The following RABL2B variants were observed in gnomAD, a reference collection of about 807,000 sequenced individuals.
The protein encoded by RABL2B is rab-like protein 2B.
Under a neutral mutation model 26.7 loss-of-function variants are expected in RABL2B, and 17 were observed. That is an observed-to-expected ratio of 0.64 (90% confidence interval 0.44 to 0.95). The LOEUF (loss-of-function observed/expected upper bound fraction) is 0.95. RABL2B is among the 40% of genes least tolerant of loss of function. The pLI is 0.00. For missense variants in RABL2B, 170 were observed against 277.2 expected (o/e 0.61, Z 2.75); for synonymous variants, 70 against 103.9 (o/e 0.67, Z 1.99).
chr22:50,772,466 T>C, intron 5 of RABL2B: 3 of 987,200 alleles, frequency 3.0e-6, no homozygotes, highest in Non-Finnish European at 3.6e-6. Context: ...CCAAAGTGTC[T>C]AGCCCAAACT....
chr22:50,775,860 T>C lies in RABL2B; in HGVS notation c.218-9A>G, dbSNP rs782241730. ...TGCCGTGTCCCAAAAGTCTGCAATG[T>C]GAACACAGACAGACCTACATGCCTG... On this transcript the variant is annotated splice_polypyrimidine_tract_variant and intron_variant, in intron 4 of 8. Coordinates refer to ENST00000691320, the MANE Select transcript of RABL2B (RefSeq NM_001130919.3). The C allele has an allele frequency of 5.0e-6, 8 of 1,614,214 alleles. No homozygotes were observed. The South Asian group carries it at 7.7e-5, about 16-fold the overall frequency.
intron 3 of RABL2B, 38 bp downstream of exon 3, chr22:50,777,902 GCGTGGGAAGACC>G (rs1462407361): frequency 6.2e-7 from 1 of 1,613,240 alleles, no homozygotes; most frequent in African/African-American, 1.3e-5. Flanking sequence ...TGATACATGA[GCGTGGGAAGACC>G]CACAGGAACA....
chr22:50,772,227 A>T (rs1603449496), intron 5 of RABL2B: 2 of 546,240 alleles, frequency 3.7e-6, no homozygotes, highest in African/African-American at 4.1e-5. Flanking sequence ...CGGGGTTTCA[A>T]CATGTTGGTC....
chr22:50,776,103 A>G (rs1555923740), intron 4 of RABL2B, among the ~76,000 whole-genome samples: 1 of 152,094 alleles, frequency 6.6e-6, no homozygotes, highest in African/African-American at 2.4e-5. Flanking sequence ...AGGACAACAC[A>G]CTGGAAGCCC....
Position 50,768,525 on chromosome 22 carries a change from A to T in RABL2B, c.*251T>A. On this transcript the variant is annotated 3_prime_UTR_variant, in exon 9 of 9. Coordinates refer to ENST00000691320, the MANE Select transcript of RABL2B (RefSeq NM_001130919.3). ...TCTGCCTGCGGGGAGGGGGTGGGGA[A>T]GGTGTTAATGATGCTGATCCCTACT... The T allele has an allele frequency of 1.2e-6, 1 of 819,884 alleles. No homozygotes were observed. The highest frequency in any genetic ancestry group is 1.8e-6 in the Non-Finnish European group (1 of 545,062). The allele number at this position is 819,884 out of a possible 1,614,324, so 50.8% of individuals were successfully genotyped here. A position where few individuals can be genotyped will look rare whatever the true frequency, so the allele number is the denominator to read the frequency against.
At chr22:50,778,145 A>G (rs2085276877) in intron 2 of RABL2B, among the ~76,000 whole-genome samples, 164 bp from the exon 3 acceptor site, 1 of 151,970 alleles carries the variant, frequency 6.6e-6, no homozygotes, top group African/African-American at 2.4e-5. Flanking sequence ...GTTGGGTATC[A>G]GCATTACCAA....
At chr22:50,781,400 A>AAGAG (rs3044691) in intron 2 of RABL2B, among the ~76,000 whole-genome samples, 11,940 of 141,738 alleles carry the variant, frequency 0.084, 500 homozygotes, top group African/African-American at 0.099. Context: ...TGTGGTGGGG[A>AAGAG]AGAGAGAGAG....
intron 2 of RABL2B, among the ~76,000 whole-genome samples, chr22:50,779,227 C>A (rs150151363): frequency 1.3e-5 from 2 of 151,434 alleles, no homozygotes; most frequent in African/African-American, 4.9e-5. Flanking sequence ...AAAAGAGGCC[C>A]CAGAGACTCA....
At position 50,775,854 on chromosome 22, in the gene RABL2B, G is replaced by T; in HGVS notation, c.218-3C>A. ...CTGGCCTGCCGTGTCCCAAAAGTCT[G>T]CAATGTGAACACAGACAGACCTACA... On this transcript the variant is annotated splice_region_variant and splice_polypyrimidine_tract_variant and intron_variant, in intron 4 of 8. Transcript: ENST00000691320. 1 of 1,614,206 alleles carries T rather than the reference G, an allele frequency of 6.2e-7. No homozygotes were observed. The highest frequency in any genetic ancestry group is 8.5e-7 in the Non-Finnish European group (1 of 1,180,032).
Position 50,767,583 on chromosome 22 carries a change from G to A in RABL2B, c.*1193C>T. The A allele has an allele frequency of 2.9e-6, 1 of 340,534 alleles. No individual in the cohort carries two copies. The highest frequency in any genetic ancestry group is 4.3e-5 in the Admixed American group (1 of 23,272). The allele number at this position is 340,534 out of a possible 1,614,324, so 21.1% of individuals were successfully genotyped here. ...TATTAATAAACACAATGCAAACAAT[G>A]CCCGAGATTATCATAAAAACATACT... On this transcript the variant is annotated 3_prime_UTR_variant, in exon 9 of 9. Coordinates refer to ENST00000691320, the MANE Select transcript of RABL2B (RefSeq NM_001130919.3).
At chr22:50,778,121 G>A (rs1555925837) in intron 2 of RABL2B, 140 bp from the exon 3 acceptor site, 1 of 1,215,414 alleles carries the variant, frequency 8.2e-7, no homozygotes, top group Admixed American at 1.9e-5. Flanking sequence ...ACAGCTTCCG[G>A]GTCAAGTCTG....
At chr22:50,778,120 G>A (rs1205970933) in intron 2 of RABL2B, 139 bp from the exon 3 acceptor site, 20 of 1,224,444 alleles carry the variant, frequency 1.6e-5, no homozygotes, top group East Asian at 7.1e-5. Context: ...CACAGCTTCC[G>A]GGTCAAGTCT....
intron 2 of RABL2B, 142 bp downstream of exon 2, chr22:50,782,046 T>G: frequency 6.5e-7 from 1 of 1,533,930 alleles, no homozygotes; most frequent in South Asian, 1.2e-5. Flanking sequence ...ATTCCCCTCG[T>G]TCCCCCATGA....
chr22:50,771,648 T>G (rs2084203214), intron 5 of RABL2B: 1 of 151,558 alleles, frequency 6.6e-6, no homozygotes, highest in Admixed American at 6.6e-5. Flanking sequence ...GGTCTTACTC[T>G]GTCAGCCAGG....
At chr22:50,772,888 A>G in intron 5 of RABL2B, 1 of 1,193,854 alleles carries the variant, frequency 8.4e-7, no homozygotes, top group East Asian at 5.9e-5. Flanking sequence ...CCCCATCTCA[A>G]GGTTTCAAGG....
chr22:50,779,541 T>TG lies in RABL2B; in HGVS notation c.108-1561dup, dbSNP rs540634305. On this transcript the variant is annotated intron_variant, in intron 2 of 8. Transcript: ENST00000691320. ...CACACCATGTGGCCTTAGTTTTGGG[T>TG]GGGGGGGGTGTGCCTTTGCCCTCTT... 3.4e-3 allele frequency among the ~76,000 whole-genome samples: 508 copies of TG among 151,038 alleles called. 5 individuals carry two copies. Among genetic ancestry groups the TG allele is most frequent in the African/African-American group, 0.011 (461 of 41,076 alleles).
At chr22:50,775,981 G>A (rs1408762565) in intron 4 of RABL2B, 130 bp from the exon 5 acceptor site, 10 of 930,232 alleles carry the variant, frequency 1.1e-5, no homozygotes, top group East Asian at 7.7e-5. Context: ...GAGAAACAGA[G>A]ACTATACAGC....
chr22:50,782,482 A>G, intron 1 of RABL2B, 135 bp from the exon 2 acceptor site: 1 of 1,417,594 alleles, frequency 7.1e-7, no homozygotes, highest in Non-Finnish European at 9.6e-7. Flanking sequence ...CTAGACTTGG[A>G]GTAGCAGAGT....
intron 2 of RABL2B, among the ~76,000 whole-genome samples, chr22:50,779,503 C>T (rs2085473004): frequency 6.6e-6 from 1 of 152,078 alleles, no homozygotes; most frequent in Non-Finnish European, 1.5e-5. Context: ...CCCCCATCAC[C>T]CTAGTCTGTA....
Sources: gnomAD v4.1 joint callset for allele counts (sites outside exome capture counted in the v4.1 genomes callset) on GRCh38, gnomAD v4.1.1 for gene constraint, MANE v1.5 for transcripts, NCBI Gene and HGNC (gene_info 2026-07-23, HGNC 2026-07-21) for gene names.